Variants in CALN1 observed in about 807,000 individuals in gnomAD.
CALN1 encodes calneuron 1.
In CALN1, 17 loss-of-function variants were observed where a neutral mutation model predicts 30.6. The observed-to-expected ratio is 0.56, with a 90% CI of 0.38 to 0.83. CALN1 has a LOEUF of 0.83. Among genes scored for constraint, CALN1 ranks in the 40% least tolerant of loss-of-function variants. The pLI, the probability that CALN1 is intolerant of heterozygous loss-of-function variation, is 0.00. For synonymous variants in CALN1, 156 were observed against 131.4 expected (o/e 1.19, Z -1.28); for missense variants, 291 against 354.9 (o/e 0.82, Z 1.45).
chr7:72,005,171 CACA>C (rs142487089), intron 5 of CALN1, among the ~76,000 whole-genome samples: 5,294 of 152,240 alleles, frequency 0.035, 296 homozygotes, highest in African/African-American at 0.12. Flanking sequence ...AACATGTTTA[CACA>C]AAAGCCTGCA....
chr7:72,291,353 C>A (rs1211391367), intron 2 of CALN1, among the ~76,000 whole-genome samples: 2 of 152,256 alleles, frequency 1.3e-5, no homozygotes, highest in Admixed American at 6.5e-5. Flanking sequence ...CCCAGTATTG[C>A]CTGTCATTTG....
chr7:72,251,711 T>C (rs1795572095), intron 3 of CALN1, among the ~76,000 whole-genome samples: 1 of 152,170 alleles, frequency 6.6e-6, no homozygotes, highest in Non-Finnish European at 1.5e-5. Context: ...TTATTTTCTG[T>C]AGTGTTTATG....
Position 72,376,013 on chromosome 7 carries a change from C to G in CALN1, c.119+27238G>C, listed in dbSNP as rs114644850. Among the ~76,000 whole-genome samples the G allele has an allele frequency of 4.3e-3, 648 of 152,280 alleles. 1 individual carries two copies. The highest frequency in any genetic ancestry group is 0.015 in the African/African-American group (627 of 41,558). ...TAATTAGAATCATACCATATACAGCCTTCTGTGTCCAGTTTCTTTGCCTAG... is the reference window on the plus strand; with the variant it reads ...TAATTAGAATCATACCATATACAGCGTTCTGTGTCCAGTTTCTTTGCCTAG... On this transcript the variant is annotated intron_variant, in intron 2 of 6. Coordinates refer to ENST00000395275, the MANE Select transcript of CALN1 (RefSeq NM_031468.4).
At chr7:71,887,195 C>T (rs900580247) in intron 5 of CALN1, among the ~76,000 whole-genome samples, 1 of 152,128 alleles carries the variant, frequency 6.6e-6, no homozygotes, top group Admixed American at 6.5e-5. Flanking sequence ...CAGTTCTGCT[C>T]ATCAGGATCT....
intron 5 of CALN1, among the ~76,000 whole-genome samples, chr7:72,008,629 T>C (rs1007019548): frequency 9.2e-5 from 14 of 151,768 alleles, no homozygotes; most frequent in South Asian, 4.1e-4. Context: ...ATCAAATTAA[T>C]TCAAACCATG....
intron 5 of CALN1, among the ~76,000 whole-genome samples, chr7:72,020,865 T>C (rs1800665523): frequency 6.6e-6 from 1 of 151,806 alleles, no homozygotes; most frequent in South Asian, 2.1e-4. Context: ...GTAGATTAAG[T>C]AGCCATAGCT....
At chr7:72,470,577 T>A in the CALN1 span, among the ~76,000 whole-genome samples, 675 of 152,346 alleles carry the variant, frequency 4.4e-3, 4 homozygotes, top group African/African-American at 0.016. Context: ...CATGCAGACC[T>A]AAGCCAGGCA....
chr7:71,838,444 A>G (rs1459379548), intron 5 of CALN1, among the ~76,000 whole-genome samples: 2 of 152,096 alleles, frequency 1.3e-5, no homozygotes, highest in African/African-American at 4.8e-5. Context: ...CCCGCTTTAT[A>G]GAGACAGGGT....
intron 3 of CALN1, among the ~76,000 whole-genome samples, chr7:72,172,118 G>T (rs1205277485): frequency 6.6e-6 from 1 of 152,208 alleles, no homozygotes; most frequent in Non-Finnish European, 1.5e-5. Flanking sequence ...CAGACCCATG[G>T]GGTCCAGCCT....
chr7:71,953,838 G>A (rs1796821141), intron 5 of CALN1, among the ~76,000 whole-genome samples: 1 of 152,008 alleles, frequency 6.6e-6, no homozygotes. Context: ...GAACATAGGA[G>A]GCACCTGTCT....
At chr7:71,914,696 T>C (rs922251682) in intron 5 of CALN1, among the ~76,000 whole-genome samples, 1 of 152,196 alleles carries the variant, frequency 6.6e-6, no homozygotes, top group African/African-American at 2.4e-5. Flanking sequence ...CTACACAAAC[T>C]TGCCAGCATC....
Position 72,205,551 on chromosome 7 carries a change from A to AAATATATACATACATATATATATATAT in CALN1, c.244+73134_244+73135insATATATATATATATGTATGTATATATT. 5.8e-4 allele frequency among the ~76,000 whole-genome samples: 48 copies of AAATATATACATACATATATATATATAT among 83,032 alleles called. 3 individuals are homozygous for AAATATATACATACATATATATATATAT. The highest frequency in any genetic ancestry group is 2.9e-3 in the African/African-American group (39 of 13,436). The allele number at this position is 83,032 out of a possible 152,430, so 54.5% of individuals were successfully genotyped here. On this transcript the variant is annotated intron_variant, in intron 3 of 6. Coordinates refer to ENST00000395275, the MANE Select transcript of CALN1 (RefSeq NM_031468.4). ...ATTTTTCTCCTGATTGCAAAAAAAA[A>AAATATATACATACATATATATATATAT]ATATATATATATATATGTATATATA...
chr7:72,446,124 A>G (rs1319152316), intron 1 of CALN1, among the ~76,000 whole-genome samples: 2 of 152,142 alleles, frequency 1.3e-5, no homozygotes, highest in African/African-American at 4.8e-5. Context: ...CCTCTGCCCA[A>G]GTCTGACTTT....
chr7:72,342,907 C>T (rs1172616625), intron 2 of CALN1, among the ~76,000 whole-genome samples: 2 of 152,084 alleles, frequency 1.3e-5, no homozygotes, highest in Non-Finnish European at 2.9e-5. Flanking sequence ...TTTTTCATGT[C>T]TTCCATCAAA....
Position 72,334,305 on chromosome 7 carries a change from TAA to T in CALN1, c.120-55497_120-55496del, listed in dbSNP as rs952224973. On this transcript the variant is annotated intron_variant, in intron 2 of 6. Transcript: ENST00000395275. ...ATAGGTGGTCAATACAAGAATGTGG[TAA>T]AAGACACCACTGCACACACCACAAC... Among the ~76,000 whole-genome samples the T allele has an allele frequency of 5.3e-5, 8 of 152,110 alleles. 1 individual carries two copies. The highest frequency in any genetic ancestry group is 5.2e-4 in the Admixed American group (8 of 15,274).
chr7:72,260,425 T>C (rs578146630), intron 3 of CALN1, among the ~76,000 whole-genome samples: 1 of 152,170 alleles, frequency 6.6e-6, no homozygotes, highest in East Asian at 1.9e-4. Context: ...GCTCCACGGG[T>C]GCACAGACCC....
intron 4 of CALN1, among the ~76,000 whole-genome samples, chr7:72,034,353 CAAA>C (rs34276736): frequency 7.7e-5 from 7 of 90,400 alleles, no homozygotes; most frequent in South Asian, 4.2e-4. Flanking sequence ...GACTCTGTCT[CAAA>C]AAAAAAAAAA....
chr7:72,347,549 A>AG (rs1802712357), intron 2 of CALN1, among the ~76,000 whole-genome samples: 1 of 152,120 alleles, frequency 6.6e-6, no homozygotes, highest in South Asian at 2.1e-4. Context: ...TACAGGGGTG[A>AG]GCCACCAAGC....
At chr7:72,283,438 A>C (rs989421280) in intron 2 of CALN1, among the ~76,000 whole-genome samples, 2 of 152,140 alleles carry the variant, frequency 1.3e-5, no homozygotes, top group Non-Finnish European at 2.9e-5. Flanking sequence ...CGGAGGCTGA[A>C]GTGAGAGGAT....
Sources: gnomAD v4.1 joint callset for allele counts (sites outside exome capture counted in the v4.1 genomes callset) on GRCh38, gnomAD v4.1.1 for gene constraint, MANE v1.5 for transcripts, NCBI Gene and HGNC (gene_info 2026-07-23, HGNC 2026-07-21) for gene names.